Variants in GRXCR2 observed in about 807,000 individuals in gnomAD.
GRXCR2 encodes the protein glutaredoxin and cysteine rich domain containing 2.
GRXCR2 carries 23 observed loss-of-function variants against 24.8 expected under a neutral mutation model. That is an observed-to-expected ratio of 0.93 (90% confidence interval 0.67 to 1.32). The LOEUF (loss-of-function observed/expected upper bound fraction) is 1.32. Ranked by LOEUF, GRXCR2 falls within the 40% of genes most tolerant of loss-of-function variation. GRXCR2 has a pLI of 0.00. For synonymous variants in GRXCR2, 130 were observed against 116.1 expected, an observed-to-expected ratio of 1.12 and a Z score of -0.77; for missense variants, 315 against 303.4, an observed-to-expected ratio of 1.04 and a Z score of -0.28.
Position 145,862,291 on chromosome 5 carries a change from A to G in GRXCR2, c.565-2376T>C, listed in dbSNP as rs139319025. On this transcript the variant is annotated intron_variant, in intron 2 of 2. Transcript: ENST00000377976. The stretch of plus-strand genomic sequence containing the variant: ...TGACCTAGTAAGCCTTCTGTAGAGA[A>G]TAAGAACACGTCTTCCATCAAATTA... 2.6e-3 allele frequency among the ~76,000 whole-genome samples: 390 copies of G among 152,348 alleles called. 2 individuals are homozygous for G. The highest frequency in any genetic ancestry group is 8.7e-3 in the African/African-American group (363 of 41,578).
chr5:145,914,351 A>G (rs1757205724), intron 2 of GRXCR2, among the ~76,000 whole-genome samples: 1 of 148,830 alleles, frequency 6.7e-6, no homozygotes, highest in Non-Finnish European at 1.5e-5. Flanking sequence ...AATGATACAA[A>G]TCTTGATCCT....
intron 2 of GRXCR2, among the ~76,000 whole-genome samples, chr5:145,926,942 A>C (rs1581358748): frequency 6.6e-6 from 1 of 152,206 alleles, no homozygotes; most frequent in Non-Finnish European, 1.5e-5. Flanking sequence ...GAGGTCCTTC[A>C]CATCCCTTGT....
At chr5:145,881,719 G>A (rs552334072) in intron 2 of GRXCR2, among the ~76,000 whole-genome samples, 9 of 152,216 alleles carry the variant, frequency 5.9e-5, no homozygotes, top group Admixed American at 2.0e-4. Context: ...CAAGACAATC[G>A]TAAGCAAAAA....
chr5:145,892,226 C>T (rs528074804), intron 2 of GRXCR2, among the ~76,000 whole-genome samples: 3 of 152,280 alleles, frequency 2.0e-5, no homozygotes, highest in African/African-American at 7.2e-5. Context: ...ATCAGAGCGC[C>T]TCTCCTCCTC....
At chr5:145,883,087 G>A (rs1373902014) in intron 2 of GRXCR2, among the ~76,000 whole-genome samples, 1 of 150,882 alleles carries the variant, frequency 6.6e-6, no homozygotes, top group African/African-American at 2.4e-5. Flanking sequence ...CGAGTTAATG[G>A]GTGCAGCAAA....
rs565537570 is a variant in GRXCR2, at chr5:145,914,624, C to T, written c.-70+21077G>A. ...CCTGGAGGTGAAGGTTGCAGTGAGC[C>T]GAGATGGTGTCATAGCACTCCAGCC... On this transcript the variant is annotated intron_variant, in intron 2 of 3. Coordinates refer to the GRXCR2 transcript ENST00000639411. 2.2e-5 allele frequency among the ~76,000 whole-genome samples: 3 copies of T among 138,542 alleles called. No homozygotes were observed. The East Asian group carries it at 6.8e-4, about 31-fold the overall frequency. The allele number at this position is 138,542 out of a possible 152,430, so 90.9% of individuals were successfully genotyped here.
chr5:145,911,311 C>G (rs553229463), intron 2 of GRXCR2, among the ~76,000 whole-genome samples: 13 of 152,254 alleles, frequency 8.5e-5, no homozygotes, highest in Non-Finnish European at 1.6e-4. Context: ...AGAAAGAGGT[C>G]AGGTGTCACG....
chr5:145,872,574 TC>T (rs1396983264), intron 1 of GRXCR2, 58 bp downstream of exon 1: 2 of 1,425,366 alleles, frequency 1.4e-6, no homozygotes, highest in East Asian at 4.6e-5. Flanking sequence ...TAGGAGTTTC[TC>T]TAAACACGTT....
At chr5:145,877,611 G>C (rs1561680098), upstream of GRXCR2, among the ~76,000 whole-genome samples, 1 of 152,212 alleles carries the variant, frequency 6.6e-6, no homozygotes, top group Non-Finnish European at 1.5e-5. Context: ...TGGCCGAATA[G>C]GAACAGCTCC....
Position 145,882,569 on chromosome 5 carries a change from T to G in GRXCR2, c.-69-15841A>C, listed in dbSNP as rs555924753. Among the ~76,000 whole-genome samples the G allele has an allele frequency of 5.8e-4, 89 of 152,188 alleles. 1 individual carries two copies. Among genetic ancestry groups the G allele is most frequent in the Non-Finnish European group, 7.9e-4 (54 of 68,026 alleles). The stretch of plus-strand genomic sequence containing the variant: ...GAAATAGGAACACTTTTTACACTGT[T>G]GGTGGGACTGTAAACTAGTTCAACC... On this transcript the variant is annotated intron_variant, in intron 2 of 3. Coordinates refer to the GRXCR2 transcript ENST00000639411.
At chr5:145,926,616 T>C (rs1757401083) in intron 2 of GRXCR2, among the ~76,000 whole-genome samples, 1 of 152,188 alleles carries the variant, frequency 6.6e-6, no homozygotes, top group Non-Finnish European at 1.5e-5. Flanking sequence ...TACCATGCTG[T>C]TTTGGTTACT....
intron 2 of GRXCR2, among the ~76,000 whole-genome samples, chr5:145,883,689 T>C (rs1461384229): frequency 6.6e-6 from 1 of 152,054 alleles, no homozygotes; most frequent in East Asian, 1.9e-4. Context: ...GCCCAGGAGT[T>C]CAAGACCAGC....
In GRXCR2 at chr5:145,872,656, C is replaced by T. The variant is rs771266544; in HGVS notation, c.313G>A (p.Asp105Asn). ...TLAGGQPRFN[D>N]YKANDHKPLP... ...ACCTTATGGTCATTCGCCTTGTAAT[C>T]GTTGAACCGAGGCTGGCCGCCTGCC... The change falls in exon 1 of 3, where the codon GAT becomes AAT. Residue 105 changes from aspartate (D) to asparagine (N), a missense_variant. Asp to Asn is a conservative substitution (Grantham distance 23). Coordinates refer to ENST00000377976, the MANE Select transcript of GRXCR2 (RefSeq NM_001080516.2). The T allele has an allele frequency of 8.1e-6, 13 of 1,605,234 alleles. No individual in the cohort carries two copies. The African/African-American group carries it at 9.4e-5, about 12-fold the overall frequency.
At chr5:145,922,901 G>C (rs1385121530) in intron 2 of GRXCR2, among the ~76,000 whole-genome samples, 1 of 152,248 alleles carries the variant, frequency 6.6e-6, no homozygotes, top group Non-Finnish European at 1.5e-5. Flanking sequence ...GCCAGTGTAA[G>C]TATGTCCCAT....
intron 2 of GRXCR2, among the ~76,000 whole-genome samples, chr5:145,912,277 C>G (rs1268506545): frequency 1.3e-5 from 2 of 152,162 alleles, no homozygotes; most frequent in African/African-American, 4.8e-5. Context: ...GCAGTTACAG[C>G]TTGTGGGGCA....
At chr5:145,920,999 G>A (rs1016389288) in intron 2 of GRXCR2, among the ~76,000 whole-genome samples, 4 of 152,208 alleles carry the variant, frequency 2.6e-5, no homozygotes, top group African/African-American at 9.6e-5. Flanking sequence ...CCAGCCTCCA[G>A]AACTATGAGC....
intron 2 of GRXCR2, among the ~76,000 whole-genome samples, chr5:145,897,591 CA>C (rs933875250): frequency 6.6e-6 from 1 of 151,342 alleles, no homozygotes; most frequent in Admixed American, 6.6e-5. Context: ...CAATCAATTC[CA>C]AAAAAAATCA....
At chr5:145,897,745 G>A (rs1480715361) in intron 2 of GRXCR2, among the ~76,000 whole-genome samples, 1 of 151,960 alleles carries the variant, frequency 6.6e-6, no homozygotes, top group African/African-American at 2.4e-5. Context: ...AATCAAGGCA[G>A]AAATCAAAAA....
chr5:145,889,276 G>T (rs180389), intron 2 of GRXCR2, among the ~76,000 whole-genome samples: 1 of 151,928 alleles, frequency 6.6e-6, no homozygotes, highest in Non-Finnish European at 1.5e-5. Flanking sequence ...GACTTGGGGG[G>T]AAGTGTTGGG....
Sources: allele counts gnomAD v4.1 joint callset (sites outside exome capture counted in the v4.1 genomes callset), GRCh38; gene constraint gnomAD v4.1.1; transcripts MANE v1.5; gene names NCBI Gene and HGNC (gene_info 2026-07-23, HGNC 2026-07-21).